ARHGAP29: variants seen among roughly 807,000 people sequenced by gnomAD.
ARHGAP29 encodes rho GTPase-activating protein 29.
A neutral mutation model predicts 122.6 loss-of-function variants in ARHGAP29; 43 were observed. That is an observed-to-expected ratio of 0.35 (90% CI 0.27 to 0.45). ARHGAP29 has a LOEUF of 0.45. Ranked by LOEUF, ARHGAP29 falls within the 20% of genes least tolerant of loss-of-function variation. The pLI is 1.00. For synonymous variants in ARHGAP29, 506 were observed against 497.1 expected (o/e 1.02, Z -0.24); for missense variants, 1,303 against 1,477.2 (o/e 0.88, Z 1.93).
chr1:94,270,874 C>T lies in ARHGAP29; in HGVS notation c.-33+4138G>A, dbSNP rs143173442. Among the ~76,000 whole-genome samples, 246 of 152,296 alleles carry T rather than the reference C, an allele frequency of 1.6e-3. 1 individual carries two copies. The highest frequency in any genetic ancestry group is 5.7e-3 in the African/African-American group (237 of 41,552). On this transcript the variant is annotated intron_variant and NMD_transcript_variant, in intron 1 of 25. Transcript: ENST00000552844. ...CCACTTTGTGAAGACAGAGAATGGC[C>T]CCAAATGGGAATATATATTAGTCAT...
chr1:94,213,218 C>T lies in ARHGAP29; in HGVS notation c.341-3868G>A, dbSNP rs539009941. Among the ~76,000 whole-genome samples, 19 of 152,252 alleles carry T rather than the reference C, an allele frequency of 1.2e-4. No individual in the cohort carries two copies. In the East Asian group the frequency reaches 3.5e-3, roughly 28 times the overall value. On this transcript the variant is annotated intron_variant, in intron 3 of 22. Transcript: ENST00000260526. ...TTTCTGAGACAGAGTCTCGCTCTGT[C>T]GCCCAGGCTGGAGTGCAGTGGCGTG...
upstream of ARHGAP29, among the ~76,000 whole-genome samples, chr1:94,275,370 C>A (rs539112287): frequency 5.3e-5 from 8 of 152,276 alleles, no homozygotes; most frequent in South Asian, 1.7e-3. Context: ...CCCATCACTA[C>A]CATGTAAAGA....
intron 2 of ARHGAP29, among the ~76,000 whole-genome samples, chr1:94,223,004 C>T (rs554778028): frequency 5.6e-4 from 85 of 150,820 alleles, no homozygotes; most frequent in Non-Finnish European, 3.8e-4. Context: ...AGTGCAGTGG[C>T]GTGATCTCCC....
chr1:94,226,820 T>C lies in ARHGAP29; in HGVS notation c.205+4587A>G, dbSNP rs371173688. Among the ~76,000 whole-genome samples the C allele has an allele frequency of 2.3e-4, 35 of 152,082 alleles. No homozygotes were observed. In the South Asian group the frequency reaches 3.5e-3, roughly 15 times the overall value. The stretch of plus-strand genomic sequence containing the variant: ...CATTCACATTAACTTCTAAGTGATA[T>C]TCATTAGGAATAACTTCTAAAAAGA... On this transcript the variant is annotated intron_variant, in intron 2 of 22. Transcript: ENST00000260526.
the ARHGAP29 span, among the ~76,000 whole-genome samples, chr1:94,290,751 C>T: frequency 6.6e-6 from 1 of 152,166 alleles, no homozygotes; most frequent in East Asian, 1.9e-4. Flanking sequence ...GTTTCTTAAA[C>T]CTGAGTTCTA....
chr1:94,270,724 A>G (rs1001053142), intron 1 of ARHGAP29, among the ~76,000 whole-genome samples: 33 of 152,332 alleles, frequency 2.2e-4, no homozygotes, highest in African/African-American at 7.7e-4. Context: ...TGAGCTTGGC[A>G]TGTGGGAGCA....
chr1:94,276,382 C>T (rs535107920), upstream of ARHGAP29, among the ~76,000 whole-genome samples: 2 of 151,856 alleles, frequency 1.3e-5, no homozygotes, highest in African/African-American at 2.4e-5. Flanking sequence ...GGGGCACTCT[C>T]AGAGATATCA....
At chr1:94,295,348 G>A in the ARHGAP29 span, among the ~76,000 whole-genome samples, 1 of 152,164 alleles carries the variant, frequency 6.6e-6, no homozygotes, top group African/African-American at 2.4e-5. Context: ...TTTTTAGGCT[G>A]CCTAGAGAAG....
At chr1:94,193,255 C>T (rs151094454) in intron 12 of ARHGAP29, 4 of 151,024 alleles carry the variant, frequency 2.6e-5, no homozygotes, top group African/African-American at 9.7e-5. Flanking sequence ...TATAAACAAC[C>T]AAGAGGAAAA....
At chr1:94,269,200 G>A (rs536087679) in intron 1 of ARHGAP29, among the ~76,000 whole-genome samples, 2 of 152,112 alleles carry the variant, frequency 1.3e-5, no homozygotes, top group African/African-American at 4.8e-5. Context: ...TCATTTGATT[G>A]ATTGATTCGT....
intron 1 of ARHGAP29, among the ~76,000 whole-genome samples, chr1:94,271,013 G>A (rs1654968998): frequency 6.6e-6 from 1 of 152,200 alleles, no homozygotes; most frequent in African/African-American, 2.4e-5. Flanking sequence ...CCAGCTCAGG[G>A]GCTTTCACAA....
At chr1:94,288,237 C>T in the ARHGAP29 span, among the ~76,000 whole-genome samples, 1 of 152,196 alleles carries the variant, frequency 6.6e-6, no homozygotes, top group African/African-American at 2.4e-5. Context: ...TTGCATTTCT[C>T]TGATGACCAG....
intron 7 of ARHGAP29, 105 bp from the exon 8 acceptor site, chr1:94,204,099 A>T (rs1651039893): frequency 1.3e-6 from 1 of 789,284 alleles, no homozygotes; most frequent in South Asian, 1.7e-5. Flanking sequence ...GTGATCACAA[A>T]TACTAGTGTG....
the ARHGAP29 span, among the ~76,000 whole-genome samples, chr1:94,284,318 A>G: frequency 6.6e-6 from 1 of 152,332 alleles, no homozygotes; most frequent in Admixed American, 6.5e-5. Context: ...TGTGCCAAAC[A>G]CTTTACATAC....
chr1:94,194,450 C>T (rs948564915), intron 12 of ARHGAP29: 3 of 152,120 alleles, frequency 2.0e-5, no homozygotes, highest in Non-Finnish European at 2.9e-5. Context: ...GCTGCTACAA[C>T]AAAAATACCA....
chr1:94,235,847 A>G (rs144285046), intron 1 of ARHGAP29, among the ~76,000 whole-genome samples: 146 of 152,236 alleles, frequency 9.6e-4, no homozygotes, highest in African/African-American at 3.3e-3. Context: ...CCTATCCCCC[A>G]CGACTGCAGG....
the ARHGAP29 span, among the ~76,000 whole-genome samples, chr1:94,285,503 T>G: frequency 6.6e-6 from 1 of 152,156 alleles, no homozygotes; most frequent in African/African-American, 2.4e-5. Flanking sequence ...GAAGGGTCAA[T>G]GAAGGCATTC....
rs960301749 is a variant in ARHGAP29, at chr1:94,174,141, G to C, written c.3514C>G (p.Pro1172Ala). 1 of 1,614,090 alleles carries C rather than the reference G, an allele frequency of 6.2e-7. No homozygotes were observed. Among genetic ancestry groups the C allele is most frequent in the African/African-American group, 1.3e-5 (1 of 74,934 alleles). Residue 1172 changes from proline to alanine, a missense_variant, in exon 23 of 23, where the codon CCC (proline) becomes GCC (alanine). This residue lies in a region of ARHGAP29 where 620 missense variants were observed against 651.2 expected (regional missense o/e 0.95). Coordinates refer to ENST00000260526, the MANE Select transcript of ARHGAP29 (RefSeq NM_004815.4). Reference protein sequence around the residue: ...HWTTFYKPHAPIISIRGNEEK... With the variant: ...HWTTFYKPHAAIISIRGNEEK... The stretch of plus-strand genomic sequence containing the variant: ...TCATTCCCCCTGATACTGATGATGG[G>C]AGCATGTGGTTTATAAAATGTTGTC...
At chr1:94,291,551 G>A in the ARHGAP29 span, among the ~76,000 whole-genome samples, 2 of 152,094 alleles carry the variant, frequency 1.3e-5, no homozygotes, top group Admixed American at 1.3e-4. Flanking sequence ...TAGTGTCGAT[G>A]GTCTTTACAA....
Sources: gnomAD v4.1 joint callset for allele counts (sites outside exome capture counted in the v4.1 genomes callset) on GRCh38, gnomAD v4.1.1 for gene constraint, gnomAD v4.1.1 regional missense constraint, MANE v1.5 for transcripts, NCBI Gene and HGNC (gene_info 2026-07-23, HGNC 2026-07-21) for gene names.